The following FMNL2 variants were observed in gnomAD, a reference collection of about 807,000 sequenced individuals.
FMNL2 encodes the protein formin like 2.
In FMNL2, 51 loss-of-function variants were observed where a neutral mutation model predicts 130.2. That is an observed-to-expected ratio of 0.39 (90% CI 0.31 to 0.49). The LOEUF (loss-of-function observed/expected upper bound fraction) is 0.49, where lower values mean the gene tolerates loss of function less well. Among genes scored for constraint, FMNL2 ranks in the 20% least tolerant of loss-of-function variants. The pLI, the probability that FMNL2 is intolerant of heterozygous loss-of-function variation, is 0.85. For missense variants in FMNL2, 977 were observed against 1,316.2 expected (o/e 0.74, Z 3.99); for synonymous variants, 465 against 467.1 (o/e 1.00, Z 0.06).
At chr2:152,387,589 A>G (rs1684853474) in intron 1 of FMNL2, among the ~76,000 whole-genome samples, 1 of 152,182 alleles carries the variant, frequency 6.6e-6, no homozygotes, top group Admixed American at 6.5e-5. Context: ...GCTGAGGTTC[A>G]GTTCATTTCC....
chr2:152,465,172 G>T (rs1339048794), intron 1 of FMNL2, among the ~76,000 whole-genome samples: 2 of 152,240 alleles, frequency 1.3e-5, no homozygotes, highest in African/African-American at 2.4e-5. Flanking sequence ...GAGTTGAGCA[G>T]AGTTCTGAAA....
intron 1 of FMNL2, among the ~76,000 whole-genome samples, chr2:152,403,676 C>T (rs924126113): frequency 6.6e-6 from 1 of 152,094 alleles, no homozygotes; most frequent in African/African-American, 2.4e-5. Context: ...TACTTGGTGG[C>T]CTGAAAGCTA....
intron 1 of FMNL2, among the ~76,000 whole-genome samples, chr2:152,336,316 C>T (rs902972015): frequency 1.3e-5 from 2 of 152,108 alleles, no homozygotes; most frequent in Non-Finnish European, 2.9e-5. Context: ...AGCAGTGCGG[C>T]GCCCCGGCCC....
chr2:152,364,259 G>A (rs1221332168), intron 1 of FMNL2, among the ~76,000 whole-genome samples: 1 of 100,798 alleles, frequency 9.9e-6, no homozygotes, highest in African/African-American at 4.4e-5. Context: ...GGAGGTTTGT[G>A]TGTTTTTTTT....
At chr2:152,634,359 G>C (rs1367300095) in intron 21 of FMNL2, among the ~76,000 whole-genome samples, 11 of 152,188 alleles carry the variant, frequency 7.2e-5, no homozygotes, top group African/African-American at 2.7e-4. Context: ...CTTGAACCCG[G>C]GAGGCAGAGG....
chr2:152,615,080 G>T, intron 12 of FMNL2, 80 bp downstream of exon 12: 1 of 1,493,674 alleles, frequency 6.7e-7, no homozygotes, highest in South Asian at 1.2e-5. Context: ...TTTTATGGTG[G>T]TAAATTTAAG....
chr2:152,468,119 A>G lies in FMNL2; in HGVS notation c.118-53824A>G, dbSNP rs138084894. Among the ~76,000 whole-genome samples the G allele has an allele frequency of 3.3e-4, 50 of 152,378 alleles. No homozygotes were observed. The East Asian group carries it at 9.3e-3, about 28-fold the overall frequency. On this transcript the variant is annotated intron_variant, in intron 1 of 25. Coordinates refer to ENST00000288670, the MANE Select transcript of FMNL2 (RefSeq NM_052905.4). ...CTGAATGACAAAGCATAGAGTAGTC[A>G]TGGCTTCAGTGTAGCACTGATACCT...
chr2:152,354,975 G>A (rs951080241), intron 1 of FMNL2, among the ~76,000 whole-genome samples: 26 of 152,110 alleles, frequency 1.7e-4, no homozygotes, highest in African/African-American at 1.2e-4. Context: ...TTCTTATGCC[G>A]TTTATTGTAG....
chr2:152,491,576 G>T (rs928553192), intron 1 of FMNL2, among the ~76,000 whole-genome samples: 19 of 152,076 alleles, frequency 1.2e-4, no homozygotes, highest in African/African-American at 4.6e-4. Flanking sequence ...TGCCTTTTTT[G>T]TCTCTTTCCT....
At position 152,558,953 on chromosome 2, in the gene FMNL2, G is replaced by A. The variant is rs961618701; in HGVS notation, c.443+130G>A. The A allele has an allele frequency of 4.0e-6, 3 of 754,390 alleles. No individual in the cohort carries two copies. The East Asian group carries it at 8.2e-5, about 21-fold the overall frequency. The allele number at this position is 754,390 out of a possible 1,614,324, so 46.7% of individuals were successfully genotyped here. On this transcript the variant is annotated intron_variant, in intron 5 of 25. Coordinates refer to ENST00000288670, the MANE Select transcript of FMNL2 (RefSeq NM_052905.4). ...GATGTGCTAGGGCTTAGGGAGGTTT[G>A]TTTCTGTTTGGGTAACTAAAAACAA...
rs139680544 is a variant in FMNL2 at position 152,595,439 on chromosome 2, G to T, written c.877-11900G>T. On this transcript the variant is annotated intron_variant, in intron 9 of 25. Transcript: ENST00000288670. ...GAGTTCAGGCAGTTCTCATGCCTCA[G>T]GCTCCTGAGTAGTTGGGACTACAGA... Among the ~76,000 whole-genome samples, 494 of 152,262 alleles carry T rather than the reference G, an allele frequency of 3.2e-3. 1 individual carries two copies. Among genetic ancestry groups the T allele is most frequent in the African/African-American group, 0.012 (478 of 41,556 alleles).
In FMNL2 at chr2:152,487,246, C is replaced by T. The variant is rs184218125; in HGVS notation, c.118-34697C>T. Among the ~76,000 whole-genome samples, 17 of 152,290 alleles carry T rather than the reference C, an allele frequency of 1.1e-4. 1 individual carries two copies. Among genetic ancestry groups the T allele is most frequent in the African/African-American group, 3.6e-4 (15 of 41,550 alleles). On this transcript the variant is annotated intron_variant, in intron 1 of 25. Coordinates refer to ENST00000288670, the MANE Select transcript of FMNL2 (RefSeq NM_052905.4). ...TTTGAAATTTTTGTAAACTTTCCAA[C>T]TTCTTTGTTTTGCACTCAGTACTTA... is the stretch of plus-strand genomic sequence containing the variant.
chr2:152,491,441 T>A (rs573636363), intron 1 of FMNL2, among the ~76,000 whole-genome samples: 1 of 152,196 alleles, frequency 6.6e-6, no homozygotes, highest in Non-Finnish European at 1.5e-5. Flanking sequence ...GATTCAGTTT[T>A]GTGAAAGGAC....
At chr2:152,338,820 T>TC (rs1681625930) in intron 1 of FMNL2, among the ~76,000 whole-genome samples, 1 of 148,870 alleles carries the variant, frequency 6.7e-6, no homozygotes, top group African/African-American at 2.5e-5. Context: ...GAAGGTGAGA[T>TC]ACACACACAC....
intron 1 of FMNL2, among the ~76,000 whole-genome samples, chr2:152,461,098 T>C (rs933026775): frequency 6.6e-6 from 1 of 152,104 alleles, no homozygotes; most frequent in Non-Finnish European, 1.5e-5. Context: ...AAGAGTAATA[T>C]GACCTCTGCC....
At chr2:152,376,445 A>G (rs1015482092) in intron 1 of FMNL2, among the ~76,000 whole-genome samples, 1 of 152,198 alleles carries the variant, frequency 6.6e-6, no homozygotes, top group Non-Finnish European at 1.5e-5. Flanking sequence ...GGAGGAGAGG[A>G]GGATTCCTCT....
chr2:152,381,752 C>T (rs1052407537), intron 1 of FMNL2, among the ~76,000 whole-genome samples: 1 of 152,086 alleles, frequency 6.6e-6, no homozygotes, highest in African/African-American at 2.4e-5. Context: ...TTTAAATGTA[C>T]TGCTTTAAGA....
intron 7 of FMNL2, 38 bp from the exon 8 acceptor site, chr2:152,578,850 A>T: frequency 1.9e-6 from 3 of 1,562,742 alleles, no homozygotes; most frequent in Non-Finnish European, 1.7e-6. Flanking sequence ...TTGTCTCCCA[A>T]TGCTTTGTGT....
At chr2:152,639,530 C>A (rs940143971) in intron 23 of FMNL2, among the ~76,000 whole-genome samples, 2 of 152,126 alleles carry the variant, frequency 1.3e-5, no homozygotes, top group African/African-American at 4.8e-5. Flanking sequence ...TGGTGAGGCC[C>A]CGAAAAGAAA....
Sources: allele counts gnomAD v4.1 joint callset (sites outside exome capture counted in the v4.1 genomes callset), GRCh38; gene constraint gnomAD v4.1.1; transcripts MANE v1.5; gene names NCBI Gene and HGNC (gene_info 2026-07-23, HGNC 2026-07-21).